The following ANKRD27 variants were observed in gnomAD, a reference collection of about 807,000 sequenced individuals.
ANKRD27 encodes the protein ankyrin repeat domain 27.
Under a neutral mutation model 129.7 loss-of-function variants are expected in ANKRD27, and 112 were observed. The observed-to-expected ratio is 0.86, with a 90% CI of 0.74 to 1.01. The LOEUF (loss-of-function observed/expected upper bound fraction) is 1.01, where lower values mean the gene tolerates loss of function less well. Among genes scored for constraint, ANKRD27 ranks in the 50% least tolerant of loss-of-function variants. ANKRD27 has a pLI of 0.00. For synonymous variants in ANKRD27, 516 were observed against 511.2 expected (o/e 1.01, Z -0.13); for missense variants, 1,258 against 1,300.5 (o/e 0.97, Z 0.50).
Position 32,644,340 on chromosome 19 carries a change from G to A in ANKRD27, c.510C>T (p.Ser170=), listed in dbSNP as rs1478153821. The change falls in exon 5 of 29, where the codon AGC becomes AGT. Residue 170 remains serine (S), a synonymous_variant. Coordinates refer to ENST00000306065, the MANE Select transcript of ANKRD27 (RefSeq NM_032139.3). ...HRTFRECERK[S]LRHHIDSANA... ...GGCTACTGACTATGTGGTGACGGAG[G>A]CTCTTTCTCTCGCATTCTCGGAATG... is the stretch of plus-strand genomic sequence containing the variant. 1.9e-6 allele frequency: 3 copies of A among 1,613,012 alleles called. No homozygotes were observed. Among genetic ancestry groups the A allele is most frequent in the Non-Finnish European group, 1.7e-6 (2 of 1,179,818 alleles).
chr19:32,605,401 C>A (rs950870454), intron 24 of ANKRD27, among the ~76,000 whole-genome samples: 2 of 152,160 alleles, frequency 1.3e-5, no homozygotes, highest in African/African-American at 4.8e-5. Flanking sequence ...TGAAACTATA[C>A]ACATTTGTCA....
chr19:32,653,646 G>A (rs1233121260), intron 2 of ANKRD27, among the ~76,000 whole-genome samples: 2 of 151,960 alleles, frequency 1.3e-5, no homozygotes, highest in African/African-American at 4.8e-5. Flanking sequence ...AGCAGAGGAG[G>A]GCAGGAAGGA....
intron 22 of ANKRD27, among the ~76,000 whole-genome samples, chr19:32,614,081 G>A (rs1971875289): frequency 2.0e-5 from 3 of 152,058 alleles, no homozygotes; most frequent in South Asian, 2.1e-4. Context: ...TGGGGTGGGC[G>A]TGGCAGGGAG....
chr19:32,674,555 C>T (rs1338267982), intron 1 of ANKRD27, among the ~76,000 whole-genome samples: 6 of 119,168 alleles, frequency 5.0e-5, no homozygotes, highest in African/African-American at 1.6e-4. Context: ...CAATCTTTAC[C>T]TGTGGGAATG....
At chr19:32,602,497 G>A (rs1396426470) in intron 25 of ANKRD27, among the ~76,000 whole-genome samples, 4 of 152,114 alleles carry the variant, frequency 2.6e-5, no homozygotes, top group African/African-American at 7.2e-5. Context: ...GGTGGCTCAC[G>A]CGTGCAATCC....
chr19:32,640,538 G>A (rs943380453), intron 10 of ANKRD27, among the ~76,000 whole-genome samples, 153 bp from the exon 11 acceptor site: 7 of 152,316 alleles, frequency 4.6e-5, no homozygotes, highest in South Asian at 2.1e-4. Context: ...CCTTTACAGC[G>A]TCCTGATCAG....
chr19:32,627,990 A>C (rs1599750130), intron 15 of ANKRD27, 93 bp downstream of exon 15: 2 of 1,195,562 alleles, frequency 1.7e-6, no homozygotes, highest in Non-Finnish European at 2.4e-6. Context: ...GCCAACCCCC[A>C]CCCAGCCCAT....
chr19:32,608,976 T>C (rs140940886), intron 22 of ANKRD27, among the ~76,000 whole-genome samples: 689 of 152,252 alleles, frequency 4.5e-3, no homozygotes, highest in Non-Finnish European at 8.0e-3. Flanking sequence ...AAGCGAATTC[T>C]CCTGCCTCAG....
At chr19:32,601,741 T>C (rs1971657315) in intron 26 of ANKRD27, among the ~76,000 whole-genome samples, 1 of 151,822 alleles carries the variant, frequency 6.6e-6, no homozygotes, top group Admixed American at 6.6e-5. Flanking sequence ...CCCATCTCCA[T>C]AGGCAGACAC....
intron 2 of ANKRD27, among the ~76,000 whole-genome samples, chr19:32,650,409 G>A (rs546347035): frequency 7.9e-5 from 12 of 152,056 alleles, no homozygotes; most frequent in Admixed American, 2.0e-4. Context: ...AAAATTAGCC[G>A]GGGGTGGTGG....
intron 25 of ANKRD27, 148 bp from the exon 26 acceptor site, chr19:32,602,274 C>T: frequency 1.7e-6 from 1 of 597,188 alleles, no homozygotes; most frequent in South Asian, 2.1e-5. Flanking sequence ...GCCATAAAGC[C>T]CAGTGGTAAA....
chr19:32,625,897 C>A lies in ANKRD27; in HGVS notation c.1606G>T (p.Ala536Ser). Residue 536 changes from alanine to serine, a missense_variant, in exon 17 of 29, where the codon GCC (alanine) becomes TCC (serine). Coordinates refer to ENST00000306065, the MANE Select transcript of ANKRD27 (RefSeq NM_032139.3). The part of the protein sequence containing the change: ...DNNGNTPLHL[A>S]CTYGHEDCVK... Reference sequence around the variant, plus strand: ...ACGTCCTCGTGGCCGTAGGTGCAGGCCAGGTGGAGTGGCGTATTCCCATTG... The same window carrying A: ...ACGTCCTCGTGGCCGTAGGTGCAGGACAGGTGGAGTGGCGTATTCCCATTG... The A allele has an allele frequency of 6.2e-7, 1 of 1,609,704 alleles. No individual in the cohort carries two copies. Among genetic ancestry groups the A allele is most frequent in the South Asian group, 1.1e-5 (1 of 89,922 alleles).
chr19:32,652,001 C>T (rs1033977572), intron 2 of ANKRD27, among the ~76,000 whole-genome samples: 1 of 152,226 alleles, frequency 6.6e-6, no homozygotes, highest in African/African-American at 2.4e-5. Context: ...CAACGCTGGG[C>T]TCCCTGGCTC....
rs2145281265 is a variant in ANKRD27, at chr19:32,625,884, C to T, written c.1619G>A (p.Gly540Asp). 2 of 1,599,930 alleles carry T rather than the reference C, an allele frequency of 1.3e-6. No homozygotes were observed. The highest frequency in any genetic ancestry group is 4.5e-5 in the East Asian group (2 of 44,074). ...GCAAGAGCCACTCACGTCCTCGTGGCCGTAGGTGCAGGCCAGGTGGAGTGG... is the reference window on the plus strand; with the variant it reads ...GCAAGAGCCACTCACGTCCTCGTGGTCGTAGGTGCAGGCCAGGTGGAGTGG... ...NTPLHLACTY[G>D]HEDCVKALVY... The change falls in exon 17 of 29, where the codon GGC becomes GAC. Residue 540 changes from glycine (G) to aspartate (D), a missense_variant. Transcript: ENST00000306065.
chr19:32,628,231 G>A, intron 14 of ANKRD27, 66 bp from the exon 15 acceptor site: 4 of 1,375,958 alleles, frequency 2.9e-6, no homozygotes, highest in Non-Finnish European at 4.1e-6. Context: ...TCCCTGACCA[G>A]GTAGATAGGC....
At chr19:32,639,283 T>C (rs750275540) in intron 12 of ANKRD27, 73 bp downstream of exon 12, 4 of 1,585,254 alleles carry the variant, frequency 2.5e-6, no homozygotes, top group Non-Finnish European at 3.4e-6. Flanking sequence ...TCTGCCCACA[T>C]ACCAACCCCA....
intron 5 of ANKRD27, 34 bp downstream of exon 5, chr19:32,644,291 G>A (rs770560064): frequency 1.3e-6 from 2 of 1,599,782 alleles, no homozygotes; most frequent in African/African-American, 2.7e-5. Context: ...ACCGAGACAG[G>A]GCACGCCAGG....
intron 1 of ANKRD27, among the ~76,000 whole-genome samples, chr19:32,669,401 C>T (rs1307091833): frequency 4.8e-4 from 73 of 152,184 alleles, no homozygotes; most frequent in Admixed American, 4.7e-3. Flanking sequence ...TTTTATGAGT[C>T]TCCACCACAA....
rs920015658 is a variant in ANKRD27 at position 32,631,601 on chromosome 19, C to T, written c.1117-107G>A. 1.4e-5 allele frequency: 12 copies of T among 865,386 alleles called. 1 individual carries two copies. In the South Asian group the frequency reaches 1.7e-4, roughly 12 times the overall value. 53.6% of individuals were successfully genotyped at this position (865,386 alleles called of 1,614,324 possible). The stretch of plus-strand genomic sequence containing the variant: ...TCTCTTCAGAGCAGTATCGGCTGCG[C>T]CTCTCTCCCGTCTCATATGGGACCT... On this transcript the variant is annotated intron_variant, in intron 12 of 28. Coordinates refer to ENST00000306065, the MANE Select transcript of ANKRD27 (RefSeq NM_032139.3).
Sources: allele counts gnomAD v4.1 joint callset (sites outside exome capture counted in the v4.1 genomes callset), GRCh38; gene constraint gnomAD v4.1.1; transcripts MANE v1.5; gene names NCBI Gene and HGNC (gene_info 2026-07-23, HGNC 2026-07-21).